ARMH3: variants seen among roughly 807,000 people sequenced by gnomAD.
ARMH3 encodes the protein armadillo-like helical domain-containing protein 3.
In ARMH3, 60 loss-of-function variants were observed where a neutral mutation model predicts 99.1. That is an observed-to-expected ratio of 0.61 (90% CI 0.49 to 0.75). ARMH3 has a LOEUF of 0.75. Among genes scored for constraint, ARMH3 ranks in the 30% least tolerant of loss-of-function variants. The pLI, the probability that ARMH3 is intolerant of heterozygous loss-of-function variation, is 0.00. For synonymous variants in ARMH3, 285 were observed against 292.8 expected (o/e 0.97, Z 0.27); for missense variants, 679 against 843.1 (o/e 0.81, Z 2.41).
chr10:101,906,108 G>T (rs2068096135), intron 23 of ARMH3, among the ~76,000 whole-genome samples: 1 of 152,126 alleles, frequency 6.6e-6, no homozygotes, highest in Non-Finnish European at 1.5e-5. Flanking sequence ...CTTCAGTGTT[G>T]TATCACATTT....
At chr10:101,920,902 A>T (rs1460668920) in intron 23 of ARMH3, among the ~76,000 whole-genome samples, 2 of 152,184 alleles carry the variant, frequency 1.3e-5, no homozygotes, top group Non-Finnish European at 2.9e-5. Flanking sequence ...ACAAAAAGAT[A>T]AATACACTAT....
At chr10:101,941,319 A>C in intron 22 of ARMH3, among the ~76,000 whole-genome samples, 1 of 152,204 alleles carries the variant, frequency 6.6e-6, no homozygotes, top group East Asian at 1.9e-4. Flanking sequence ...ATAGTAAATA[A>C]GTTTTAGCTA....
intron 23 of ARMH3, among the ~76,000 whole-genome samples, chr10:101,897,022 G>A (rs2067855030): frequency 6.6e-6 from 1 of 152,202 alleles, no homozygotes; most frequent in African/African-American, 2.4e-5. Context: ...GGGTGGCAGG[G>A]TTGGTGGATG....
At chr10:101,960,985 T>C (rs1845275332) in intron 20 of ARMH3, among the ~76,000 whole-genome samples, 1 of 152,178 alleles carries the variant, frequency 6.6e-6, no homozygotes, top group African/African-American at 2.4e-5. Flanking sequence ...ATGGTGTGCT[T>C]AGATCTGCTG....
At chr10:101,986,700 C>T (rs1004797526) in intron 19 of ARMH3, among the ~76,000 whole-genome samples, 1 of 152,174 alleles carries the variant, frequency 6.6e-6, no homozygotes, top group African/African-American at 2.4e-5. Context: ...GTGAGAGCAG[C>T]AGCCTGGCCT....
chr10:101,929,759 CA>C (rs1843644141), intron 23 of ARMH3, among the ~76,000 whole-genome samples: 1 of 151,912 alleles, frequency 6.6e-6, no homozygotes, highest in Admixed American at 6.6e-5. Flanking sequence ...CAAAAGAAAG[CA>C]GTAAAGAAGG....
Position 101,846,937 on chromosome 10 carries a change from G to C in ARMH3, c.*591C>G, listed in dbSNP as rs1357245790. On this transcript the variant is annotated 3_prime_UTR_variant, in exon 26 of 26. Coordinates refer to ENST00000370033, the MANE Select transcript of ARMH3 (RefSeq NM_024541.3). ...GATCACGCCACTGCATTCCAGCCTG[G>C]GCGACAGAGTGAGACTCCGTCTCAG... 1 of 152,564 alleles carries C rather than the reference G, an allele frequency of 6.6e-6. No homozygotes were observed. Among genetic ancestry groups the C allele is most frequent in the African/African-American group, 2.4e-5 (1 of 41,438 alleles). The allele number at this position is 152,564 out of a possible 1,614,324, so 9.5% of individuals were successfully genotyped here.
chr10:102,049,551 A>T (rs2067643436), intron 1 of ARMH3, among the ~76,000 whole-genome samples: 1 of 151,772 alleles, frequency 6.6e-6, no homozygotes. Context: ...CCAAAAAAAA[A>T]GAAAGAAAGA....
chr10:101,925,320 T>C (rs943104310), intron 23 of ARMH3, among the ~76,000 whole-genome samples: 1 of 152,246 alleles, frequency 6.6e-6, no homozygotes, highest in Admixed American at 6.5e-5. Context: ...AAACATTCAC[T>C]GAATGCTTAT....
At chr10:102,008,717 TATTTTTTTTTTA>T (rs1287712662) in intron 13 of ARMH3, among the ~76,000 whole-genome samples, 2 of 151,712 alleles carry the variant, frequency 1.3e-5, no homozygotes, top group East Asian at 3.9e-4. Context: ...CACGCCCAGC[TATTTTTTTTTTA>T]ATTTTTTTTT....
chr10:101,943,284 C>A (rs1238147147), intron 22 of ARMH3, among the ~76,000 whole-genome samples: 3 of 152,072 alleles, frequency 2.0e-5, no homozygotes, highest in Non-Finnish European at 4.4e-5. Flanking sequence ...AGGCCGAGGG[C>A]GAAGAACCAC....
At chr10:101,960,146 C>G (rs959599143) in intron 20 of ARMH3, among the ~76,000 whole-genome samples, 12 of 152,054 alleles carry the variant, frequency 7.9e-5, no homozygotes, top group African/African-American at 2.9e-4. Flanking sequence ...CCACTGCACT[C>G]CACCTTGGGC....
At chr10:101,879,939 C>G (rs1447086370) in intron 24 of ARMH3, among the ~76,000 whole-genome samples, 1 of 152,156 alleles carries the variant, frequency 6.6e-6, no homozygotes, top group Non-Finnish European at 1.5e-5. Context: ...CACCTCATCC[C>G]CACTTCTGAC....
chr10:101,887,592 C>CTTTTTTT (rs34624064), intron 24 of ARMH3, among the ~76,000 whole-genome samples: 9 of 96,846 alleles, frequency 9.3e-5, no homozygotes, highest in African/African-American at 1.2e-4. Flanking sequence ...CTCTCTCTCT[C>CTTTTTTT]TTTTTTTTTT....
intron 22 of ARMH3, among the ~76,000 whole-genome samples, chr10:101,942,499 G>A (rs1191783538): frequency 6.6e-6 from 1 of 152,178 alleles, no homozygotes; most frequent in Non-Finnish European, 1.5e-5. Flanking sequence ...TAGCTTCTGT[G>A]GAAGTCCTTC....
At chr10:102,030,976 C>A (rs2067117718) in intron 4 of ARMH3, among the ~76,000 whole-genome samples, 1 of 151,342 alleles carries the variant, frequency 6.6e-6, no homozygotes, top group Admixed American at 6.6e-5. Flanking sequence ...TTAATAGAGA[C>A]AGGTTTTCAT....
intron 1 of ARMH3, among the ~76,000 whole-genome samples, chr10:102,048,022 G>A (rs2067600505): frequency 6.6e-6 from 1 of 152,158 alleles, no homozygotes; most frequent in South Asian, 2.1e-4. Context: ...TATCAAAGAG[G>A]TTAAAAAGCC....
At chr10:101,849,362 G>A (rs1047053783) in intron 25 of ARMH3, among the ~76,000 whole-genome samples, 2 of 152,212 alleles carry the variant, frequency 1.3e-5, no homozygotes, top group African/African-American at 4.8e-5. Flanking sequence ...TTGGAAAGCA[G>A]GGAATGGAGA....
chr10:101,994,403 G>A (rs1321010710), intron 16 of ARMH3, among the ~76,000 whole-genome samples: 1 of 152,104 alleles, frequency 6.6e-6, no homozygotes, highest in Non-Finnish European at 1.5e-5. Context: ...GAGAGAGACT[G>A]AGAGAGATCT....
Sources: gnomAD v4.1 joint callset for allele counts (sites outside exome capture counted in the v4.1 genomes callset) on GRCh38, gnomAD v4.1.1 for gene constraint, MANE v1.5 for transcripts, NCBI Gene and HGNC (gene_info 2026-07-23, HGNC 2026-07-21) for gene names.